CSMD1: variants seen among roughly 807,000 people sequenced by gnomAD.
The protein encoded by CSMD1 is CUB and Sushi multiple domains 1, also known as CUB and sushi domain-containing protein 1.
Under a neutral mutation model 417.5 loss-of-function variants are expected in CSMD1, and 213 were observed. The ratio of observed to expected loss-of-function variants is 0.51; its 90% CI spans 0.46 to 0.57. The LOEUF (loss-of-function observed/expected upper bound fraction) is 0.57, where lower values mean the gene tolerates loss of function less well. CSMD1 is among the 20% of genes least tolerant of loss of function. CSMD1 has a pLI of 0.00. For missense variants in CSMD1, 6,923 were observed against 4,529.7 expected (o/e 1.53, Z -15.17); for synonymous variants, 2,862 against 1,736.8 (o/e 1.65, Z -16.11).
At chr8:3,586,378 A>G in intron 8 of CSMD1, 118 bp from the exon 9 acceptor site, 1 of 914,738 alleles carries the variant, frequency 1.1e-6, no homozygotes, top group South Asian at 1.9e-5. Context: ...ACAGCCTAAG[A>G]CATTAAGCAA....
At chr8:3,492,697 G>C (rs988029748) in intron 11 of CSMD1, among the ~76,000 whole-genome samples, 1 of 152,196 alleles carries the variant, frequency 6.6e-6, no homozygotes, top group African/African-American at 2.4e-5. Flanking sequence ...TCATAAGGCT[G>C]CAGAACAGTC....
At chr8:3,779,894 C>G (rs1431303880) in intron 5 of CSMD1, among the ~76,000 whole-genome samples, 1 of 151,920 alleles carries the variant, frequency 6.6e-6, no homozygotes, top group Non-Finnish European at 1.5e-5. Flanking sequence ...TTATTTTTTT[C>G]TCTCATGGCC....
At position 3,765,945 on chromosome 8, in the gene CSMD1, G is replaced by C. The variant is rs540113798; in HGVS notation, c.819-11903C>G. 3.4e-4 allele frequency among the ~76,000 whole-genome samples: 52 copies of C among 152,332 alleles called. No homozygotes were observed. The South Asian group carries it at 9.9e-3, about 29-fold the overall frequency. On this transcript the variant is annotated intron_variant, in intron 5 of 69. Transcript: ENST00000635120. ...GAGAGAAGGCTGTAAAAATGGCCTG[G>C]ATGCCAGCAAATCAGGCATCAGGAA...
At chr8:3,189,330 A>G (rs543896515) in intron 34 of CSMD1, among the ~76,000 whole-genome samples, 37 of 152,356 alleles carry the variant, frequency 2.4e-4, no homozygotes, top group African/African-American at 7.9e-4. Flanking sequence ...ACTATAATTT[A>G]AGGACCTTGG....
At position 4,685,616 on chromosome 8, in the gene CSMD1, G is replaced by A. The variant is rs144394432; in HGVS notation, c.86-48058C>T. Among the ~76,000 whole-genome samples the A allele has an allele frequency of 9.6e-4, 146 of 151,440 alleles. 3 individuals carry two copies. In the East Asian group the frequency reaches 0.026, roughly 27 times the overall value. On this transcript the variant is annotated intron_variant, in intron 1 of 69. Coordinates refer to ENST00000635120, the MANE Select transcript of CSMD1 (RefSeq NM_033225.6). ...AAGAAAGAAAGAAAGAAAGAAAAAC[G>A]TAAGCACACCATCACACCATGTACT...
chr8:4,353,929 G>T (rs1295168426), intron 3 of CSMD1, among the ~76,000 whole-genome samples: 1 of 152,108 alleles, frequency 6.6e-6, no homozygotes, highest in Non-Finnish European at 1.5e-5. Flanking sequence ...ATGTTCATTT[G>T]AGGTATATTA....
intron 40 of CSMD1, among the ~76,000 whole-genome samples, chr8:3,149,820 T>G (rs527659479): frequency 1.3e-5 from 2 of 152,278 alleles, no homozygotes; most frequent in East Asian, 3.9e-4. Context: ...GGAGCCCCTG[T>G]GCCTTAACTC....
At chr8:4,707,744 G>A (rs1056519588) in intron 1 of CSMD1, among the ~76,000 whole-genome samples, 4 of 151,720 alleles carry the variant, frequency 2.6e-5, no homozygotes, top group Non-Finnish European at 4.4e-5. Context: ...AAAATTAGCC[G>A]GGCGTCGTGG....
intron 26 of CSMD1, among the ~76,000 whole-genome samples, chr8:3,247,887 C>G (rs1429123113): frequency 6.6e-6 from 1 of 152,156 alleles, no homozygotes; most frequent in Non-Finnish European, 1.5e-5. Context: ...CCATGGAATC[C>G]ATGCATTTTC....
chr8:4,683,671 C>A (rs971574223), intron 1 of CSMD1, among the ~76,000 whole-genome samples: 5 of 152,212 alleles, frequency 3.3e-5, no homozygotes, highest in African/African-American at 1.2e-4. Flanking sequence ...GACTCCCAGC[C>A]AGTCCAGTGG....
rs147550486 is a variant in CSMD1, at chr8:3,741,858, T to G, written c.931+12072A>C. Among the ~76,000 whole-genome samples, 4 of 152,204 alleles carry G rather than the reference T, an allele frequency of 2.6e-5. No individual in the cohort carries two copies. In the East Asian group the frequency reaches 7.7e-4, roughly 29 times the overall value. ...TCAAGTCGGCTTTAGCAAACTCTTG[T>G]GGACCAAAGGTAAAGGTTCCAATTC... On this transcript the variant is annotated intron_variant, in intron 6 of 69. Coordinates refer to ENST00000635120, the MANE Select transcript of CSMD1 (RefSeq NM_033225.6).
At chr8:4,353,476 A>G (rs578102254) in intron 3 of CSMD1, among the ~76,000 whole-genome samples, 3 of 152,202 alleles carry the variant, frequency 2.0e-5, no homozygotes, top group Non-Finnish European at 4.4e-5. Context: ...AGAATAATAC[A>G]TTCTTTAATT....
intron 2 of CSMD1, among the ~76,000 whole-genome samples, chr8:4,455,799 C>T (rs1405998445): frequency 1.3e-5 from 2 of 151,038 alleles, no homozygotes; most frequent in African/African-American, 4.9e-5. Flanking sequence ...GATGTGGTGG[C>T]ATGTGCCTGG....
At chr8:3,428,832 A>T (rs991632142) in intron 12 of CSMD1, among the ~76,000 whole-genome samples, 2 of 152,202 alleles carry the variant, frequency 1.3e-5, no homozygotes, top group African/African-American at 4.8e-5. Context: ...GAATAATGGT[A>T]AAAATGTGGA....
At chr8:4,188,560 G>A (rs893800615) in intron 3 of CSMD1, among the ~76,000 whole-genome samples, 1 of 152,074 alleles carries the variant, frequency 6.6e-6, no homozygotes, top group African/African-American at 2.4e-5. Context: ...GGCAGTATGA[G>A]GTAGACACTG....
chr8:4,973,096 G>T (rs1023242597), intron 1 of CSMD1, among the ~76,000 whole-genome samples: 26 of 152,062 alleles, frequency 1.7e-4, no homozygotes, highest in Admixed American at 3.3e-4. Context: ...GCAATCAAAG[G>T]AAACTCATGC....
chr8:4,281,719 A>G (rs1253158663), intron 3 of CSMD1, among the ~76,000 whole-genome samples: 1 of 152,232 alleles, frequency 6.6e-6, no homozygotes, highest in East Asian at 1.9e-4. Context: ...TTGTATAAAC[A>G]TTAAACGGAA....
intron 5 of CSMD1, among the ~76,000 whole-genome samples, chr8:3,992,770 G>T (rs755444373): frequency 1.3e-5 from 2 of 152,222 alleles, no homozygotes; most frequent in African/African-American, 2.4e-5. Context: ...GACAGAAGGA[G>T]ACCCAGTACT....
intron 57 of CSMD1, among the ~76,000 whole-genome samples, chr8:2,970,945 A>G (rs978007714): frequency 1.3e-5 from 2 of 152,212 alleles, no homozygotes; most frequent in African/African-American, 4.8e-5. Flanking sequence ...CACACCCTTT[A>G]GTCAGATTCA....
Sources: gnomAD v4.1 joint callset for allele counts (sites outside exome capture counted in the v4.1 genomes callset) on GRCh38, gnomAD v4.1.1 for gene constraint, MANE v1.5 for transcripts, NCBI Gene and HGNC (gene_info 2026-07-23, HGNC 2026-07-21) for gene names.